KCNJ15: variants seen among roughly 807,000 people sequenced by gnomAD.
The protein encoded by KCNJ15 is potassium inwardly rectifying channel subfamily J member 15.
In KCNJ15, 14 loss-of-function variants were observed where a neutral mutation model predicts 23.0. The ratio of observed to expected loss-of-function variants is 0.61; its 90% CI spans 0.40 to 0.95. The LOEUF (loss-of-function observed/expected upper bound fraction) is 0.95, where lower values mean the gene tolerates loss of function less well. Among genes scored for constraint, KCNJ15 ranks in the 40% least tolerant of loss-of-function variants. The pLI is 0.00. For missense variants in KCNJ15, 388 were observed against 461.8 expected (o/e 0.84, Z 1.46); for synonymous variants, 185 against 183.2 (o/e 1.01, Z -0.08).
intron 1 of KCNJ15, among the ~76,000 whole-genome samples, chr21:38,242,623 G>A (rs983302998): frequency 1.3e-5 from 2 of 152,116 alleles, no homozygotes; most frequent in African/African-American, 2.4e-5. Context: ...TGCCTCTCCT[G>A]ACACACGCCC....
chr21:38,232,703 A>G (rs1390628856), intron 1 of KCNJ15, among the ~76,000 whole-genome samples: 1 of 151,886 alleles, frequency 6.6e-6, no homozygotes, highest in Non-Finnish European at 1.5e-5. Flanking sequence ...TCTTCTTTGA[A>G]TCACTGGTTT....
rs1283059304 is a variant in KCNJ15, at chr21:38,305,017, T to C, written c.*4628T>C. ...TTCGCTTGAACCCGGGAGGTGGACGTTGCAGTGAGCTAAGATCGCGCCACT... is the reference window on the plus strand; with the variant it reads ...TTCGCTTGAACCCGGGAGGTGGACGCTGCAGTGAGCTAAGATCGCGCCACT... On this transcript the variant is annotated 3_prime_UTR_variant, in exon 3 of 3. Transcript: ENST00000398938. 1.4e-5 allele frequency: 2 copies of C among 143,542 alleles called. No homozygotes were observed. The highest frequency in any genetic ancestry group is 5.1e-5 in the African/African-American group (2 of 38,902). 8.9% of individuals were successfully genotyped at this position (143,542 alleles called of 1,614,324 possible).
chr21:38,268,488 C>T lies in KCNJ15; in HGVS notation c.-117+11303C>T, dbSNP rs1027549119. ...TTAGCAAAAGTCAAATGAGTAACAA[C>T]ACACAGTTTGGAAACATTTGGAGAG... On this transcript the variant is annotated intron_variant, in intron 1 of 2. Transcript: ENST00000398938. Among the ~76,000 whole-genome samples the T allele has an allele frequency of 1.1e-4, 15 of 132,530 alleles. No individual in the cohort carries two copies. In the Admixed American group the frequency reaches 1.1e-3, roughly 10 times the overall value. 86.9% of individuals were successfully genotyped at this position (132,530 alleles called of 152,430 possible). A position where few individuals can be genotyped will look rare whatever the true frequency, so the allele number is the denominator to read the frequency against.
chr21:38,247,452 G>A (rs537719318), intron 1 of KCNJ15, among the ~76,000 whole-genome samples: 1 of 151,782 alleles, frequency 6.6e-6, no homozygotes, highest in East Asian at 2.0e-4. Context: ...GTGGATGGAT[G>A]TATGGATGAA....
intron 1 of KCNJ15, among the ~76,000 whole-genome samples, chr21:38,236,368 T>A (rs1018968970): frequency 6.6e-6 from 1 of 152,262 alleles, no homozygotes; most frequent in Non-Finnish European, 1.5e-5. Context: ...ATTCTCTTAA[T>A]GACTTTTTAG....
chr21:38,244,097 C>T (rs1049682476), intron 1 of KCNJ15, among the ~76,000 whole-genome samples: 2 of 151,956 alleles, frequency 1.3e-5, no homozygotes, highest in African/African-American at 2.4e-5. Context: ...GAAATGTAAC[C>T]GTCTTTTTAT....
chr21:38,236,784 A>G (rs945241711), intron 1 of KCNJ15, among the ~76,000 whole-genome samples: 4 of 152,182 alleles, frequency 2.6e-5, no homozygotes, highest in South Asian at 2.1e-4. Flanking sequence ...TACAAGTATT[A>G]TGTTTGTTGC....
intron 1 of KCNJ15, among the ~76,000 whole-genome samples, chr21:38,235,497 T>A (rs1978544038): frequency 6.6e-6 from 1 of 152,150 alleles, no homozygotes; most frequent in Non-Finnish European, 1.5e-5. Context: ...GAGGTTGCAG[T>A]GAGCCAAAGT....
Position 38,299,921 on chromosome 21 carries a change from C to A in KCNJ15, c.660C>A (p.His220Gln). Residue 220 changes from histidine (H) to glutamine (Q), a missense_variant, in exon 3 of 3, where the codon CAC becomes CAA. His to Gln is a conservative substitution (Grantham distance 24). Coordinates refer to ENST00000398938, the MANE Select transcript of KCNJ15 (RefSeq NM_170736.3). The surrounding 1 kb of genome is among the most constrained non-coding windows in gnomAD (Gnocchi z 4.5). Reference protein sequence around the residue: ...CQLSGKLLQTHVTKEGERILL... With the variant: ...CQLSGKLLQTQVTKEGERILL... ...TCTCTGGCAAGCTCCTGCAGACCCA[C>A]GTCACCAAGGAGGGGGAGCGGATTC... is the stretch of plus-strand genomic sequence containing the variant. 2.5e-6 allele frequency: 4 copies of A among 1,614,082 alleles called. No individual in the cohort carries two copies. Among genetic ancestry groups the A allele is most frequent in the Non-Finnish European group, 3.4e-6 (4 of 1,180,024 alleles).
At chr21:38,298,962 C>A (rs996316804) in intron 2 of KCNJ15, among the ~76,000 whole-genome samples, 6 of 152,126 alleles carry the variant, frequency 3.9e-5, no homozygotes, top group Non-Finnish European at 7.4e-5. Context: ...CCATTTTAAA[C>A]ACTGGAGAGC....
At chr21:38,277,661 A>G (rs1982864572) in intron 1 of KCNJ15, among the ~76,000 whole-genome samples, 1 of 152,182 alleles carries the variant, frequency 6.6e-6, no homozygotes, top group African/African-American at 2.4e-5. Context: ...GTCAGAACAG[A>G]TAAAAGGAAG....
intron 1 of KCNJ15, among the ~76,000 whole-genome samples, chr21:38,276,346 A>C (rs1470925509): frequency 6.6e-6 from 1 of 152,088 alleles, no homozygotes; most frequent in African/African-American, 2.4e-5. Context: ...ATGGTACCAT[A>C]GTTCCATTCT....
At chr21:38,286,060 G>A (rs1023821500) in intron 1 of KCNJ15, among the ~76,000 whole-genome samples, 2 of 152,188 alleles carry the variant, frequency 1.3e-5, no homozygotes, top group South Asian at 2.1e-4. Flanking sequence ...TGGCTAACAC[G>A]GTGAAACCTC....
In KCNJ15 at chr21:38,306,488, T is replaced by A. The variant is rs1986061125; in HGVS notation, c.*6099T>A. The A allele has an allele frequency of 1.3e-5, 2 of 151,992 alleles. No individual in the cohort carries two copies. 9.4% of individuals were successfully genotyped at this position (151,992 alleles called of 1,614,324 possible). A position where few individuals can be genotyped will look rare whatever the true frequency, so the allele number is the denominator to read the frequency against. Reference sequence around the variant, plus strand: ...GAAGAGTAAAGAGCTTCCAAGAAGGTGATTGGAGGGAAGTTCAAAGGGAAG... The same window carrying A: ...GAAGAGTAAAGAGCTTCCAAGAAGGAGATTGGAGGGAAGTTCAAAGGGAAG... On this transcript the variant is annotated 3_prime_UTR_variant, in exon 3 of 3. Coordinates refer to ENST00000398938, the MANE Select transcript of KCNJ15 (RefSeq NM_170736.3).
intron 1 of KCNJ15, among the ~76,000 whole-genome samples, chr21:38,257,465 A>G (rs895730799): frequency 6.6e-6 from 1 of 152,222 alleles, no homozygotes; most frequent in Non-Finnish European, 1.5e-5. Context: ...ACGGGGGTCT[A>G]GCTTGCGGGA....
chr21:38,275,258 C>T (rs1982545426), intron 1 of KCNJ15, among the ~76,000 whole-genome samples: 1 of 152,162 alleles, frequency 6.6e-6, no homozygotes, highest in Admixed American at 6.5e-5. Flanking sequence ...ATCTGTCTTG[C>T]TAGATGAGCC....
In KCNJ15 at chr21:38,249,757, G is replaced by A. The variant is rs116405977; in HGVS notation, c.-398-7289G>A. 3.7e-3 allele frequency among the ~76,000 whole-genome samples: 558 copies of A among 152,252 alleles called. 1 individual carries two copies. The highest frequency in any genetic ancestry group is 0.012 in the African/African-American group (495 of 41,538). On this transcript the variant is annotated intron_variant, in intron 1 of 4. Coordinates refer to the KCNJ15 transcript ENST00000547341. ...AGGAGAAGAAAAATAAGAAAAACCAGTACCCTATTATTAGGCATTCTTTAT... is the reference window on the plus strand; with the variant it reads ...AGGAGAAGAAAAATAAGAAAAACCAATACCCTATTATTAGGCATTCTTTAT...
At chr21:38,242,393 G>T (rs1979070959) in intron 1 of KCNJ15, among the ~76,000 whole-genome samples, 1 of 152,040 alleles carries the variant, frequency 6.6e-6, no homozygotes, top group African/African-American at 2.4e-5. Context: ...ATTGCACACG[G>T]GGCTATATGT....
Position 38,300,188 on chromosome 21 carries a change from T to C in KCNJ15, c.927T>C (p.Phe309=), listed in dbSNP as rs780988342. 1.2e-6 allele frequency: 2 copies of C among 1,614,144 alleles called. No homozygotes were observed. The highest frequency in any genetic ancestry group is 1.6e-4 in the Middle Eastern group (1 of 6,062). The change falls in exon 3 of 3, where the codon TTT becomes TTC. Residue 309 remains phenylalanine, a synonymous_variant. Transcript: ENST00000398938. ...SYIPEEIYWG[F]EFVPVVSLSK... ...TCCCAGAGGAAATCTACTGGGGTTT[T>C]GAGTTTGTGCCTGTGGTATCTCTCT...
Sources: gnomAD v4.1 joint callset for allele counts (sites outside exome capture counted in the v4.1 genomes callset) on GRCh38, gnomAD v4.1.1 for gene constraint, Gnocchi (gnomAD v3.1) non-coding constraint, MANE v1.5 for transcripts, NCBI Gene and HGNC (gene_info 2026-07-23, HGNC 2026-07-21) for gene names.